Variants in MARCHF3 observed in about 807,000 individuals in gnomAD.
The protein encoded by MARCHF3 is E3 ubiquitin-protein ligase MARCHF3.
Under a neutral mutation model 24.2 loss-of-function variants are expected in MARCHF3, and 13 were observed. The observed-to-expected ratio is 0.54, with a 90% confidence interval of 0.35 to 0.85. MARCHF3 has a LOEUF of 0.85. MARCHF3 is among the 40% of genes least tolerant of loss of function. The probability of loss-of-function intolerance (pLI) is 0.01; values close to 1 mark genes in which losing one functional copy is unlikely to be tolerated. For synonymous variants in MARCHF3, 144 were observed against 137.3 expected, an observed-to-expected ratio of 1.05 and a Z score of -0.34; for missense variants, 276 against 325.0, an observed-to-expected ratio of 0.85 and a Z score of 1.16.
intron 3 of MARCHF3, among the ~76,000 whole-genome samples, chr5:126,896,525 C>T (rs570613456): frequency 6.6e-6 from 1 of 152,002 alleles, no homozygotes; most frequent in Non-Finnish European, 1.5e-5. Flanking sequence ...ACATGCAACC[C>T]CTAGGTGTCC....
chr5:126,920,529 G>A (rs1749073655), intron 1 of MARCHF3, among the ~76,000 whole-genome samples: 1 of 152,158 alleles, frequency 6.6e-6, no homozygotes, highest in African/African-American at 2.4e-5. Context: ...ATGTCTAGAT[G>A]CACTCTGAGA....
At chr5:126,928,652 C>T (rs936084594) in intron 1 of MARCHF3, among the ~76,000 whole-genome samples, 1 of 152,118 alleles carries the variant, frequency 6.6e-6, no homozygotes, top group African/African-American at 2.4e-5. Context: ...AGTAAATCCA[C>T]ATATATCTTA....
At chr5:127,030,205 G>A (rs1301314503) in intron 1 of MARCHF3, 145 bp downstream of exon 1, 1 of 152,264 alleles carries the variant, frequency 6.6e-6, no homozygotes, top group African/African-American at 2.4e-5. Context: ...ATATTGGCAC[G>A]GAGTAAATCC....
intron 3 of MARCHF3, among the ~76,000 whole-genome samples, chr5:126,878,613 T>A (rs1753250285): frequency 6.6e-6 from 1 of 152,330 alleles, no homozygotes; most frequent in Non-Finnish European, 1.5e-5. Flanking sequence ...ATTTATAGTG[T>A]CCTTGCTGTA....
intron 1 of MARCHF3, among the ~76,000 whole-genome samples, chr5:127,021,741 T>C (rs1309405993): frequency 6.6e-6 from 1 of 151,892 alleles, no homozygotes; most frequent in Non-Finnish European, 1.5e-5. Flanking sequence ...ATTAGGTAGA[T>C]CACCCAAAAC....
chr5:126,944,540 C>A (rs1749944954), intron 1 of MARCHF3, among the ~76,000 whole-genome samples: 2 of 152,184 alleles, frequency 1.3e-5, no homozygotes, highest in South Asian at 4.1e-4. Flanking sequence ...CCCTGATATG[C>A]CATTGCATTC....
chr5:126,939,224 G>C (rs1400672492), intron 1 of MARCHF3, among the ~76,000 whole-genome samples: 1 of 152,066 alleles, frequency 6.6e-6, no homozygotes, highest in East Asian at 1.9e-4. Flanking sequence ...CCACCCCCTT[G>C]AGTATGCCTT....
intron 4 of MARCHF3, among the ~76,000 whole-genome samples, chr5:126,876,841 G>C (rs1437597934): frequency 6.6e-6 from 1 of 152,136 alleles, no homozygotes; most frequent in African/African-American, 2.4e-5. Context: ...GTAGAGACAG[G>C]GTTTCGCCAT....
At chr5:127,001,848 T>C (rs1393638711) in intron 1 of MARCHF3, among the ~76,000 whole-genome samples, 1 of 152,222 alleles carries the variant, frequency 6.6e-6, no homozygotes, top group Non-Finnish European at 1.5e-5. Flanking sequence ...GCCACTGATA[T>C]AACATGCAGG....
At chr5:126,994,156 C>A (rs1481939582) in intron 1 of MARCHF3, among the ~76,000 whole-genome samples, 1 of 152,218 alleles carries the variant, frequency 6.6e-6, no homozygotes, top group Non-Finnish European at 1.5e-5. Flanking sequence ...TGCACAGCCA[C>A]ACAGTAGAAG....
intron 4 of MARCHF3, among the ~76,000 whole-genome samples, chr5:126,877,705 G>A (rs1361172395): frequency 3.9e-5 from 6 of 152,236 alleles, no homozygotes; most frequent in African/African-American, 1.2e-4. Context: ...GCGGCTCCAC[G>A]TCCAACAAAG....
At chr5:127,025,172 C>T (rs1245768090) in intron 1 of MARCHF3, among the ~76,000 whole-genome samples, 1 of 151,892 alleles carries the variant, frequency 6.6e-6, no homozygotes, top group Non-Finnish European at 1.5e-5. Context: ...GGGAAGAAAA[C>T]ATTGCAAAAT....
intron 1 of MARCHF3, among the ~76,000 whole-genome samples, chr5:126,966,247 T>C (rs1450330541): frequency 6.6e-6 from 1 of 152,198 alleles, no homozygotes; most frequent in Non-Finnish European, 1.5e-5. Context: ...AAATGTTTTA[T>C]ATATTTATTG....
At chr5:127,017,034 T>A (rs962024793) in intron 1 of MARCHF3, among the ~76,000 whole-genome samples, 1 of 152,280 alleles carries the variant, frequency 6.6e-6, no homozygotes, top group East Asian at 1.9e-4. Context: ...AAACACCGCA[T>A]GTTCTCACTC....
intron 1 of MARCHF3, among the ~76,000 whole-genome samples, chr5:126,925,607 A>C (rs920087916): frequency 2.6e-5 from 4 of 152,182 alleles, no homozygotes; most frequent in Non-Finnish European, 5.9e-5. Context: ...ATCCCACAAC[A>C]ATGCTATGTG....
chr5:127,002,209 C>T (rs1272130642), intron 1 of MARCHF3, among the ~76,000 whole-genome samples: 1 of 152,186 alleles, frequency 6.6e-6, no homozygotes, highest in East Asian at 1.9e-4. Flanking sequence ...AGCCAAACAG[C>T]AAGGCCTTGA....
At chr5:126,957,760 T>A (rs185455652) in intron 1 of MARCHF3, among the ~76,000 whole-genome samples, 1 of 152,164 alleles carries the variant, frequency 6.6e-6, no homozygotes, top group South Asian at 2.1e-4. Context: ...ATTACTGTGC[T>A]CAGATTTTAC....
At chr5:126,888,714 ATAG>A (rs1367302564) in intron 3 of MARCHF3, among the ~76,000 whole-genome samples, 12 of 152,254 alleles carry the variant, frequency 7.9e-5, no homozygotes, top group Non-Finnish European at 1.8e-4. Flanking sequence ...GATAAAATGC[ATAG>A]TGCCAAAAGT....
chr5:126,981,411 A>G (rs1392714024), intron 1 of MARCHF3, among the ~76,000 whole-genome samples: 1 of 152,210 alleles, frequency 6.6e-6, no homozygotes, highest in Non-Finnish European at 1.5e-5. Context: ...ACAACCTCAG[A>G]GGCTTTGATG....
Sources: gnomAD v4.1 joint callset for allele counts (sites outside exome capture counted in the v4.1 genomes callset) on GRCh38, gnomAD v4.1.1 for gene constraint, MANE v1.5 for transcripts, NCBI Gene and HGNC (gene_info 2026-07-23, HGNC 2026-07-21) for gene names.